SDK1: variants seen among roughly 807,000 people sequenced by gnomAD.
The protein encoded by SDK1 is protein sidekick-1.
SDK1 carries 157 observed loss-of-function variants against 245.5 expected under a neutral mutation model. That is an observed-to-expected ratio of 0.64 (90% CI 0.56 to 0.73). The LOEUF is 0.73. SDK1 is among the 30% of genes least tolerant of loss of function. The probability of loss-of-function intolerance (pLI) is 0.00; values close to 1 mark genes in which losing one functional copy is unlikely to be tolerated. For synonymous variants in SDK1, 1,647 were observed against 1,278.5 expected (o/e 1.29, Z -6.15); for missense variants, 3,583 against 3,002.3 (o/e 1.19, Z -4.52).
chr7:3,628,089 A>C (rs568088620), intron 2 of SDK1, among the ~76,000 whole-genome samples: 5 of 152,176 alleles, frequency 3.3e-5, no homozygotes, highest in African/African-American at 1.2e-4. Context: ...TTGGCCACGC[A>C]TGAGTAAGGC....
rs917136394 is a variant in SDK1 at position 4,188,948 on chromosome 7, A to G, written c.5098+10362A>G. On this transcript the variant is annotated intron_variant, in intron 35 of 44. Transcript: ENST00000404826. The stretch of plus-strand genomic sequence containing the variant: ...TACTTCTAAAGCTTTCATTTACATC[A>G]GTTTGTTACACATTTTTTTCATGTT... Among the ~76,000 whole-genome samples, 7 of 152,086 alleles carry G rather than the reference A, an allele frequency of 4.6e-5. No homozygotes were observed. In the South Asian group the frequency reaches 1.4e-3, roughly 31 times the overall value.
intron 5 of SDK1, among the ~76,000 whole-genome samples, chr7:3,841,866 T>A (rs182242030): frequency 5.3e-5 from 8 of 152,246 alleles, no homozygotes; most frequent in Admixed American, 3.9e-4. Context: ...CCAGGTGTTA[T>A]CAGATTCTCC....
chr7:4,202,280 G>C (rs549150601), intron 35 of SDK1, among the ~76,000 whole-genome samples: 1 of 152,210 alleles, frequency 6.6e-6, no homozygotes, highest in Non-Finnish European at 1.5e-5. Flanking sequence ...GATTTTGGCA[G>C]CGTTAGGCTG....
chr7:3,871,150 CTTTT>C (rs200291112), intron 5 of SDK1, among the ~76,000 whole-genome samples: 4 of 143,502 alleles, frequency 2.8e-5, no homozygotes, highest in Non-Finnish European at 3.1e-5. Flanking sequence ...TATTTCTTGA[CTTTT>C]TTTTTTTTTG....
chr7:3,403,756 C>T (rs1317673625), intron 1 of SDK1, among the ~76,000 whole-genome samples: 5 of 145,124 alleles, frequency 3.4e-5, no homozygotes, highest in African/African-American at 1.0e-4. Flanking sequence ...AGTGAGGGCA[C>T]TGTGCGTCTG....
chr7:3,532,933 G>A (rs1300106404), intron 1 of SDK1, among the ~76,000 whole-genome samples: 1 of 152,074 alleles, frequency 6.6e-6, no homozygotes, highest in Non-Finnish European at 1.5e-5. Flanking sequence ...CCATGCATCG[G>A]CACTCAGAAA....
At position 3,738,646 on chromosome 7, in the gene SDK1, TAA is replaced by T. The variant is rs944346203; in HGVS notation, c.714-82803_714-82802del. Among the ~76,000 whole-genome samples the T allele has an allele frequency of 6.2e-4, 95 of 152,342 alleles. 1 individual carries two copies. The highest frequency in any genetic ancestry group is 2.2e-3 in the African/African-American group (92 of 41,588). Reference sequence around the variant, plus strand: ...TTGGGAAGTATTGACATCGTAATAATAAGTCATCTGATTTGTGAAATGGGATG... The same window carrying T: ...TTGGGAAGTATTGACATCGTAATAATGTCATCTGATTTGTGAAATGGGATG... On this transcript the variant is annotated intron_variant, in intron 4 of 44. Transcript: ENST00000404826.
intron 1 of SDK1, among the ~76,000 whole-genome samples, chr7:3,618,681 A>G (rs1010056903): frequency 3.3e-5 from 5 of 152,210 alleles, no homozygotes; most frequent in African/African-American, 1.2e-4. Context: ...TTTAAAACCA[A>G]TTGAAGGTTA....
At position 4,026,463 on chromosome 7, in the gene SDK1, G is replaced by A. The variant is rs1203288186; in HGVS notation, c.2602+9111G>A. ...AGAGTCAGACGACTGGCTTCACGAG[G>A]GCCCGGTGTGCAGACAGCCTGCCAG... is the stretch of plus-strand genomic sequence containing the variant. On this transcript the variant is annotated intron_variant, in intron 17 of 44. Transcript: ENST00000404826. This position sits in a 1 kb window ranked among gnomAD's most constrained non-coding sequence, Gnocchi z 4.1. 6.6e-6 allele frequency among the ~76,000 whole-genome samples: 1 copy of A among 152,180 alleles called. No homozygotes were observed. Among genetic ancestry groups the A allele is most frequent in the African/African-American group, 2.4e-5 (1 of 41,438 alleles).
intron 5 of SDK1, among the ~76,000 whole-genome samples, chr7:3,892,129 A>G (rs1056296854): frequency 2.0e-5 from 3 of 152,106 alleles, no homozygotes; most frequent in African/African-American, 4.8e-5. Context: ...CCAGCTTGCC[A>G]TCACCTAAAC....
At chr7:3,648,095 G>A (rs1377989172) in intron 4 of SDK1, among the ~76,000 whole-genome samples, 1 of 152,150 alleles carries the variant, frequency 6.6e-6, no homozygotes, top group Admixed American at 6.5e-5. Context: ...TCAAAGATGA[G>A]CTTAGCTTTG....
intron 5 of SDK1, among the ~76,000 whole-genome samples, chr7:3,875,234 CT>C (rs1781047713): frequency 6.6e-6 from 1 of 152,182 alleles, no homozygotes; most frequent in South Asian, 2.1e-4. Context: ...CCTTGGTTCT[CT>C]GACAGAGTCA....
At chr7:4,069,247 G>T (rs1780090698) in intron 20 of SDK1, among the ~76,000 whole-genome samples, 1 of 152,212 alleles carries the variant, frequency 6.6e-6, no homozygotes, top group Non-Finnish European at 1.5e-5. Flanking sequence ...GAGAGAAGTT[G>T]TATCAGTGGC....
At chr7:4,145,000 G>T (rs1478634782) in intron 28 of SDK1, among the ~76,000 whole-genome samples, 1 of 152,218 alleles carries the variant, frequency 6.6e-6, no homozygotes, top group Admixed American at 6.5e-5. Flanking sequence ...GCCAGCGGGG[G>T]AGGCCTGGGG....
chr7:3,566,224 C>CTTTTT (rs568790658), intron 1 of SDK1, among the ~76,000 whole-genome samples: 89 of 125,370 alleles, frequency 7.1e-4, no homozygotes, highest in East Asian at 1.6e-3. Context: ...TAAACTTCTT[C>CTTTTT]TTTTTTTTTT....
intron 4 of SDK1, among the ~76,000 whole-genome samples, chr7:3,698,394 T>C (rs1784636577): frequency 1.3e-5 from 2 of 152,112 alleles, no homozygotes; most frequent in African/African-American, 2.4e-5. Context: ...AACTTCCACC[T>C]TACCTGGTGC....
chr7:3,525,337 G>A (rs1022991513), intron 1 of SDK1, among the ~76,000 whole-genome samples: 3 of 152,112 alleles, frequency 2.0e-5, no homozygotes, highest in African/African-American at 4.8e-5. Flanking sequence ...TTTATCAGCA[G>A]ACACAGATGG....
intron 4 of SDK1, among the ~76,000 whole-genome samples, chr7:3,655,493 A>ATGTATGTATGTATGTATG (rs1275095313): frequency 6.1e-5 from 4 of 65,438 alleles, no homozygotes; most frequent in African/African-American, 1.8e-4. Context: ...ATATATATAT[A>ATGTATGTATGTATGTATG]TATATATATA....
chr7:4,017,375 G>A lies in SDK1; in HGVS notation c.2602+23G>A, dbSNP rs759932893. ...GAGGTAAGCTTGTCTCCAAAACCAC[G>A]AGGTGGCGGGATCTTTGCCGGGGAA... is the stretch of plus-strand genomic sequence containing the variant. On this transcript the variant is annotated intron_variant, in intron 17 of 44. Transcript: ENST00000404826. The A allele has an allele frequency of 3.0e-5, 48 of 1,584,212 alleles. 1 individual carries two copies. Among genetic ancestry groups the A allele is most frequent in the Admixed American group, 7.0e-5 (4 of 57,190 alleles).
Sources: gnomAD v4.1 joint callset for allele counts (sites outside exome capture counted in the v4.1 genomes callset) on GRCh38, gnomAD v4.1.1 for gene constraint, Gnocchi (gnomAD v3.1) non-coding constraint, MANE v1.5 for transcripts, NCBI Gene and HGNC (gene_info 2026-07-23, HGNC 2026-07-21) for gene names.